COMMD10: variants seen among roughly 807,000 people sequenced by gnomAD.
COMMD10 encodes COMM domain containing 10, also known as COMM domain-containing protein 10.
A neutral mutation model predicts 28.9 loss-of-function variants in COMMD10; 33 were observed. That is an observed-to-expected ratio of 1.14 (90% CI 0.87 to 1.53). COMMD10 has a LOEUF of 1.53. Among genes scored for constraint, COMMD10 ranks in the 40% most tolerant of loss-of-function variants. COMMD10 has a pLI of 0.00. For missense variants in COMMD10, 310 were observed against 233.4 expected, an observed-to-expected ratio of 1.33 and a Z score of -2.14; for synonymous variants, 110 against 81.7, an observed-to-expected ratio of 1.35 and a Z score of -1.87.
rs73261072 is a variant in COMMD10, at chr5:116,291,622, T to C, written c.570+46T>C. On this transcript the variant is annotated intron_variant, in intron 6 of 6. Coordinates refer to ENST00000274458, the MANE Select transcript of COMMD10 (RefSeq NM_016144.4). ...TTTCTAATATGTGGAGTTTTTTTCA[T>C]AATATTTTGTTTCATTTTATGAATT... 0.01 allele frequency: 11,260 copies of C among 1,087,404 alleles called. 884 individuals are homozygous for C. In the African/African-American group the frequency reaches 0.16, roughly 15 times the overall value. 67.4% of individuals were successfully genotyped at this position (1,087,404 alleles called of 1,614,324 possible).
At chr5:116,200,800 T>C (rs145428701) in intron 5 of COMMD10, among the ~76,000 whole-genome samples, 140 of 152,252 alleles carry the variant, frequency 9.2e-4, no homozygotes, top group African/African-American at 3.2e-3. Flanking sequence ...CCATCTGTTA[T>C]TGCTGTCTTC....
At chr5:116,162,533 G>A (rs1054093053) in intron 5 of COMMD10, among the ~76,000 whole-genome samples, 8 of 152,172 alleles carry the variant, frequency 5.3e-5, no homozygotes, top group African/African-American at 1.9e-4. Flanking sequence ...CTACATAGTA[G>A]CACATATAGA....
At chr5:116,086,202 T>G (rs1750086946) in intron 1 of COMMD10, among the ~76,000 whole-genome samples, 1 of 152,228 alleles carries the variant, frequency 6.6e-6, no homozygotes, top group Non-Finnish European at 1.5e-5. Context: ...ACATTTCTTG[T>G]CATAGCTGAA....
At chr5:116,094,276 C>T (rs1360399514) in intron 4 of COMMD10, among the ~76,000 whole-genome samples, 1 of 152,118 alleles carries the variant, frequency 6.6e-6, no homozygotes, top group Non-Finnish European at 1.5e-5. Flanking sequence ...ATTGACTTAG[C>T]AAATGATTAA....
chr5:116,172,668 AG>A (rs1753375739), intron 5 of COMMD10, among the ~76,000 whole-genome samples: 1 of 152,140 alleles, frequency 6.6e-6, no homozygotes, highest in African/African-American at 2.4e-5. Flanking sequence ...GTCATACTCC[AG>A]GGTATCTTTT....
intron 5 of COMMD10, among the ~76,000 whole-genome samples, chr5:116,211,350 A>G (rs1293634986): frequency 6.6e-6 from 1 of 152,144 alleles, no homozygotes; most frequent in Non-Finnish European, 1.5e-5. Context: ...TTACTCTAAG[A>G]CTGTAAACCT....
chr5:116,101,316 A>G (rs1006244442), intron 4 of COMMD10, among the ~76,000 whole-genome samples: 3 of 152,194 alleles, frequency 2.0e-5, no homozygotes, highest in African/African-American at 2.4e-5. Context: ...AGCAATCTCT[A>G]TACTGTTTTC....
chr5:116,094,624 AAACT>A (rs1204204529), intron 4 of COMMD10, among the ~76,000 whole-genome samples: 1 of 152,206 alleles, frequency 6.6e-6, no homozygotes, highest in African/African-American at 2.4e-5. Flanking sequence ...ATTTCTCAAA[AAACT>A]AAAATTAGAA....
chr5:116,226,066 A>G (rs1194549715), intron 5 of COMMD10, among the ~76,000 whole-genome samples: 2 of 151,918 alleles, frequency 1.3e-5, no homozygotes, highest in East Asian at 3.8e-4. Context: ...GTAGCTATGG[A>G]GTTTGGTCAG....
chr5:116,167,858 G>T (rs370539177), intron 5 of COMMD10, among the ~76,000 whole-genome samples: 4 of 152,184 alleles, frequency 2.6e-5, no homozygotes, highest in Non-Finnish European at 4.4e-5. Context: ...GGAAAAACTG[G>T]TACCAGCCAC....
At chr5:116,213,929 G>C (rs941434387) in intron 5 of COMMD10, among the ~76,000 whole-genome samples, 1 of 151,980 alleles carries the variant, frequency 6.6e-6, no homozygotes, top group Non-Finnish European at 1.5e-5. Flanking sequence ...CCTTTTCATG[G>C]AATAGAATAT....
intron 5 of COMMD10, among the ~76,000 whole-genome samples, chr5:116,232,182 G>C (rs1162229491): frequency 6.6e-6 from 1 of 151,998 alleles, no homozygotes; most frequent in African/African-American, 2.4e-5. Context: ...GTTACATTTG[G>C]GTTTATTGTT....
intron 5 of COMMD10, among the ~76,000 whole-genome samples, chr5:116,253,303 A>C (rs1253418345): frequency 1.4e-5 from 2 of 138,376 alleles, no homozygotes; most frequent in South Asian, 2.4e-4. Context: ...TCTCCTGCCT[A>C]ATTGCCCTGG....
rs535295868 is a variant in COMMD10, at chr5:116,185,595, C to G, written c.510+51417C>G. 2.0e-5 allele frequency among the ~76,000 whole-genome samples: 3 copies of G among 152,114 alleles called. No individual in the cohort carries two copies. The South Asian group carries it at 6.2e-4, about 32-fold the overall frequency. On this transcript the variant is annotated intron_variant, in intron 5 of 6. Coordinates refer to ENST00000274458, the MANE Select transcript of COMMD10 (RefSeq NM_016144.4). ...GGAGGAATTCCATTCTGTCTTATTG[C>G]ATGGAGTTCTCTGAGAACAAAACAT...
At chr5:116,265,004 A>G (rs906746610) in intron 5 of COMMD10, among the ~76,000 whole-genome samples, 2 of 151,698 alleles carry the variant, frequency 1.3e-5, no homozygotes, top group African/African-American at 4.9e-5. Context: ...TGTTTTTTAT[A>G]TTATTATGGC....
At chr5:116,220,877 A>T (rs1749232104) in intron 5 of COMMD10, among the ~76,000 whole-genome samples, 1 of 152,108 alleles carries the variant, frequency 6.6e-6, no homozygotes, top group Non-Finnish European at 1.5e-5. Flanking sequence ...TCAGGGAAGA[A>T]GGGATGGGGA....
At chr5:116,260,789 A>C (rs1306050352) in intron 5 of COMMD10, among the ~76,000 whole-genome samples, 1 of 151,752 alleles carries the variant, frequency 6.6e-6, no homozygotes, top group Admixed American at 6.6e-5. Flanking sequence ...AATTTGTCAT[A>C]TTTTTTATAA....
chr5:116,225,170 G>A (rs1272636055), intron 5 of COMMD10, among the ~76,000 whole-genome samples: 2 of 151,752 alleles, frequency 1.3e-5, no homozygotes, highest in Admixed American at 1.3e-4. Flanking sequence ...TTTCTCTTGA[G>A]ATTTATTCTG....
At chr5:116,270,017 C>G (rs1310296974) in intron 5 of COMMD10, among the ~76,000 whole-genome samples, 1 of 144,840 alleles carries the variant, frequency 6.9e-6, no homozygotes, top group Non-Finnish European at 1.5e-5. Flanking sequence ...TTCAAGCCTT[C>G]TAATCTAAGG....
Sources: allele counts gnomAD v4.1 joint callset (sites outside exome capture counted in the v4.1 genomes callset), GRCh38; gene constraint gnomAD v4.1.1; transcripts MANE v1.5; gene names NCBI Gene and HGNC (gene_info 2026-07-23, HGNC 2026-07-21).